WWOX: variants seen among roughly 807,000 people sequenced by gnomAD.
The protein encoded by WWOX is WW domain containing oxidoreductase.
WWOX carries 69 observed loss-of-function variants against 46.2 expected under a neutral mutation model. That is an observed-to-expected ratio of 1.49 (90% CI 1.23 to 1.82). WWOX has a LOEUF of 1.82. Ranked by LOEUF, WWOX falls within the 40% of genes most tolerant of loss-of-function variation. The pLI, the probability that WWOX is intolerant of heterozygous loss-of-function variation, is 0.00. For synonymous variants in WWOX, 359 were observed against 202.6 expected (o/e 1.77, Z -6.56); for missense variants, 919 against 542.6 (o/e 1.69, Z -6.89).
intron 7 of WWOX, among the ~76,000 whole-genome samples, chr16:78,425,357 T>G (rs1207309293): frequency 6.6e-6 from 1 of 152,224 alleles, no homozygotes; most frequent in Non-Finnish European, 1.5e-5. Flanking sequence ...CTTTATTGAT[T>G]TGTAATTCAA....
chr16:78,639,438 AAAGT>A (rs1409708333), intron 8 of WWOX, among the ~76,000 whole-genome samples: 1 of 152,180 alleles, frequency 6.6e-6, no homozygotes, highest in African/African-American at 2.4e-5. Flanking sequence ...GCACAGAAGG[AAAGT>A]AAGAGTGTTT....
At chr16:78,145,277 C>G (rs1341775642) in intron 4 of WWOX, among the ~76,000 whole-genome samples, 2 of 152,042 alleles carry the variant, frequency 1.3e-5, no homozygotes, top group Non-Finnish European at 2.9e-5. Context: ...TTGACTCCCA[C>G]AATCACAAGC....
intron 5 of WWOX, among the ~76,000 whole-genome samples, chr16:78,300,764 A>G (rs540887741): frequency 1.3e-5 from 2 of 152,224 alleles, no homozygotes; most frequent in Non-Finnish European, 2.9e-5. Context: ...ATTGGAAACT[A>G]TTTTTAAAAG....
At chr16:78,442,817 T>C (rs1182108758) in intron 8 of WWOX, among the ~76,000 whole-genome samples, 1 of 151,544 alleles carries the variant, frequency 6.6e-6, no homozygotes, top group Non-Finnish European at 1.5e-5. Flanking sequence ...CTGTCTCTAC[T>C]AAAAAGATAC....
intron 5 of WWOX, among the ~76,000 whole-genome samples, chr16:78,235,238 T>C (rs1272183725): frequency 1.3e-5 from 2 of 152,190 alleles, no homozygotes; most frequent in Non-Finnish European, 2.9e-5. Context: ...TAAAATCGAG[T>C]GTGGCTGTGT....
chr16:78,821,614 A>G (rs148746778), intron 8 of WWOX, among the ~76,000 whole-genome samples: 170 of 152,276 alleles, frequency 1.1e-3, no homozygotes, highest in African/African-American at 3.8e-3. Flanking sequence ...ATATGTGTCA[A>G]TGTTTATAAC....
At chr16:79,012,393 C>T (rs1181802862) in intron 8 of WWOX, among the ~76,000 whole-genome samples, 1 of 152,086 alleles carries the variant, frequency 6.6e-6, no homozygotes, top group Non-Finnish European at 1.5e-5. Flanking sequence ...CCACCACGCC[C>T]AGCTAATTTT....
chr16:78,954,166 C>T (rs530753848), intron 8 of WWOX, among the ~76,000 whole-genome samples: 49 of 152,176 alleles, frequency 3.2e-4, no homozygotes, highest in Non-Finnish European at 3.1e-4. Context: ...GGCATGATTG[C>T]ATATTCTTTA....
At chr16:78,590,805 G>A (rs573668426) in intron 8 of WWOX, among the ~76,000 whole-genome samples, 24 of 152,282 alleles carry the variant, frequency 1.6e-4, no homozygotes, top group Middle Eastern at 3.4e-3. Flanking sequence ...GCAGATCATG[G>A]TGTAAGCCTC....
intron 5 of WWOX, among the ~76,000 whole-genome samples, chr16:78,186,330 C>A (rs546315098): frequency 6.6e-6 from 1 of 151,474 alleles, no homozygotes; most frequent in South Asian, 2.1e-4. Context: ...TAGAGGGTAA[C>A]CACTGGAGAG....
Position 78,650,664 on chromosome 16 carries a change from A to T in WWOX, c.1056+217912A>T, listed in dbSNP as rs1450649378. ...ATAATGGAGGTGTTCTCAGGAAACC[A>T]GATTTAATACTTTTAAATCAGAGGC... On this transcript the variant is annotated intron_variant, in intron 8 of 8. Coordinates refer to ENST00000566780, the MANE Select transcript of WWOX (RefSeq NM_016373.4). 3.9e-5 allele frequency among the ~76,000 whole-genome samples: 6 copies of T among 152,240 alleles called. No homozygotes were observed. The South Asian group carries it at 1.2e-3, about 31-fold the overall frequency.
At chr16:78,816,310 C>G (rs951629875) in intron 8 of WWOX, among the ~76,000 whole-genome samples, 8 of 152,104 alleles carry the variant, frequency 5.3e-5, no homozygotes, top group Admixed American at 5.2e-4. Flanking sequence ...TGAATGTTCA[C>G]TTCATTTTTT....
intron 8 of WWOX, among the ~76,000 whole-genome samples, chr16:78,624,043 A>G (rs1396422457): frequency 6.6e-6 from 1 of 152,204 alleles, no homozygotes; most frequent in Non-Finnish European, 1.5e-5. Context: ...AACCCACAGC[A>G]TCTTGCACGT....
chr16:78,672,057 A>G (rs78404304), intron 8 of WWOX, among the ~76,000 whole-genome samples: 9,220 of 152,292 alleles, frequency 0.061, 357 homozygotes, highest in Middle Eastern at 0.099. Flanking sequence ...CTACAGGATC[A>G]TGATTAAAAA....
At chr16:78,683,797 G>A (rs2047788427) in intron 8 of WWOX, among the ~76,000 whole-genome samples, 1 of 152,126 alleles carries the variant, frequency 6.6e-6, no homozygotes, top group Non-Finnish European at 1.5e-5. Flanking sequence ...GGCATGAAGA[G>A]CTCACTCATC....
chr16:79,023,346 A>G (rs2047573016), intron 8 of WWOX, among the ~76,000 whole-genome samples: 2 of 152,126 alleles, frequency 1.3e-5, no homozygotes, highest in African/African-American at 4.8e-5. Flanking sequence ...TCCTCTTGGT[A>G]TGAGTTCTAG....
chr16:78,502,334 C>G (rs1196735038), intron 8 of WWOX, among the ~76,000 whole-genome samples: 3 of 152,094 alleles, frequency 2.0e-5, no homozygotes, highest in South Asian at 2.1e-4. Context: ...AGTCATCACC[C>G]CAAATACCTC....
intron 8 of WWOX, among the ~76,000 whole-genome samples, chr16:78,678,946 A>G (rs904268474): frequency 6.6e-6 from 1 of 152,136 alleles, no homozygotes; most frequent in Non-Finnish European, 1.5e-5. Flanking sequence ...TGGGCCTGGC[A>G]TACGGCATCA....
At chr16:78,859,038 A>ATGTG (rs2052649784) in intron 8 of WWOX, among the ~76,000 whole-genome samples, 3 of 24,638 alleles carry the variant, frequency 1.2e-4, no homozygotes, top group African/African-American at 3.2e-4. Context: ...ATATATATAT[A>ATGTG]TATATATATA....
Sources: allele counts gnomAD v4.1 joint callset (sites outside exome capture counted in the v4.1 genomes callset), GRCh38; gene constraint gnomAD v4.1.1; transcripts MANE v1.5; gene names NCBI Gene and HGNC (gene_info 2026-07-23, HGNC 2026-07-21).